MMEL1: variants seen among roughly 807,000 people sequenced by gnomAD.
The protein encoded by MMEL1 is membrane metalloendopeptidase like 1.
In MMEL1, 98 loss-of-function variants were observed where a neutral mutation model predicts 117.1. The ratio of observed to expected loss-of-function variants is 0.84; its 90% confidence interval spans 0.71 to 0.99. The LOEUF (loss-of-function observed/expected upper bound fraction) is 0.99. Ranked by LOEUF, MMEL1 falls within the 50% of genes least tolerant of loss-of-function variation. The probability of loss-of-function intolerance (pLI) is 0.00; values close to 1 mark genes in which losing one functional copy is unlikely to be tolerated. For missense variants in MMEL1, 1,014 were observed against 1,049.1 expected, an observed-to-expected ratio of 0.97 and a Z score of 0.46; for synonymous variants, 390 against 415.1, an observed-to-expected ratio of 0.94 and a Z score of 0.74.
chr1:2,595,157 G>T lies in MMEL1; in HGVS notation c.1584+119C>A. ...GAGCCACCACCCTAGGGCACGGTGA[G>T]GACAGCTGTGTTAGCGCCTGGGAGG... On this transcript the variant is annotated intron_variant, in intron 16 of 23. Coordinates refer to ENST00000378412, the MANE Select transcript of MMEL1 (RefSeq NM_033467.4). This position sits in a 1 kb window ranked among gnomAD's most constrained non-coding sequence, Gnocchi z 4.8. 1 of 911,128 alleles carries T rather than the reference G, an allele frequency of 1.1e-6. No homozygotes were observed. The highest frequency in any genetic ancestry group is 1.7e-6 in the Non-Finnish European group (1 of 582,888). 56.4% of individuals were successfully genotyped at this position (911,128 alleles called of 1,614,324 possible).
rs756146545 is a variant in MMEL1, at chr1:2,593,803, C to T, written c.1867+11G>A. ...GGGAGGGCGTGTGTGATTGGAGGGGCGGCCGCTCACCATTGTCGTCAAAGC... is the reference window on the plus strand; with the variant it reads ...GGGAGGGCGTGTGTGATTGGAGGGGTGGCCGCTCACCATTGTCGTCAAAGC... On this transcript the variant is annotated intron_variant, in intron 19 of 23. Coordinates refer to ENST00000378412, the MANE Select transcript of MMEL1 (RefSeq NM_033467.4). 38 of 1,591,156 alleles carry T rather than the reference C, an allele frequency of 2.4e-5. No homozygotes were observed. Among genetic ancestry groups the T allele is most frequent in the South Asian group, 5.7e-5 (5 of 88,444 alleles).
In MMEL1 at chr1:2,596,034, T is replaced by G; in HGVS notation, c.1475A>C (p.Glu492Ala). The change falls in exon 15 of 24, where the codon GAG becomes GCG. Residue 492 changes from glutamate (E) to alanine (A), a missense_variant. Coordinates refer to ENST00000378412, the MANE Select transcript of MMEL1 (RefSeq NM_033467.4). ...CTTCTCCTGCGCCTTCTTCTTGGAC[T>G]CCTCGTCCATCCAGCCCAGCTCGTC... ...TLDELGWMDE[E>A]SKKKAQEKAM... 6.2e-7 allele frequency: 1 copy of G among 1,613,902 alleles called. No homozygotes were observed. The highest frequency in any genetic ancestry group is 8.5e-7 in the Non-Finnish European group (1 of 1,179,886).
intron 1 of MMEL1, among the ~76,000 whole-genome samples, chr1:2,630,787 TGA>T (rs1376403193): frequency 4.0e-5 from 6 of 148,912 alleles, no homozygotes; most frequent in Non-Finnish European, 7.4e-5. Context: ...CGTGTGTGCC[TGA>T]GTGTGCACGT....
intron 7 of MMEL1, 67 bp downstream of exon 7, chr1:2,606,907 A>G: frequency 6.9e-7 from 1 of 1,447,736 alleles, no homozygotes; most frequent in Non-Finnish European, 9.6e-7. Context: ...AAGGCCTCAG[A>G]CCGAAGGAGC....
rs556413079 is a variant in MMEL1 at position 2,596,117 on chromosome 1, G to C, written c.1402-10C>G. On this transcript the variant is annotated splice_polypyrimidine_tract_variant and intron_variant, in intron 14 of 23. Coordinates refer to ENST00000378412, the MANE Select transcript of MMEL1 (RefSeq NM_033467.4). Reference sequence around the variant, plus strand: ...CAATGAGTTCTCTGACCTGGGAATCGGGCATGGCCCTCGTGTCCCAGACTC... The same window carrying C: ...CAATGAGTTCTCTGACCTGGGAATCCGGCATGGCCCTCGTGTCCCAGACTC... The C allele has an allele frequency of 1.9e-6, 3 of 1,611,584 alleles. No individual in the cohort carries two copies. Among genetic ancestry groups the C allele is most frequent in the Non-Finnish European group, 2.5e-6 (3 of 1,177,780 alleles).
chr1:2,604,347 G>C, intron 9 of MMEL1, 66 bp from the exon 10 acceptor site: 1 of 1,588,162 alleles, frequency 6.3e-7, no homozygotes. Flanking sequence ...GGAGTTTTCT[G>C]TGGGGGTGGG....
Position 2,629,521 on chromosome 1 carries a change from C to G in MMEL1, c.-37G>C. On this transcript the variant is annotated splice_region_variant and 5_prime_UTR_variant, in exon 2 of 24. Transcript: ENST00000378412. ...TGGACGGGAGAGCACCGCGGAGGAA[C>G]CTGCAGGCCCAGGGCAGGGGAGAGG... The G allele has an allele frequency of 7.0e-7, 1 of 1,434,834 alleles. No homozygotes were observed. Among genetic ancestry groups the G allele is most frequent in the Non-Finnish European group, 9.2e-7 (1 of 1,091,982 alleles). 88.9% of individuals were successfully genotyped at this position (1,434,834 alleles called of 1,614,324 possible).
intron 1 of MMEL1, chr1:2,629,763 C>G (rs761415691): frequency 2.6e-6 from 1 of 379,366 alleles, no homozygotes; most frequent in Non-Finnish European, 4.7e-6. Flanking sequence ...AGCTTGGGGT[C>G]GCAAGCTGGA....
chr1:2,605,703 C>T (rs1645013258), intron 8 of MMEL1, 80 bp from the exon 9 acceptor site: 2 of 1,069,480 alleles, frequency 1.9e-6, no homozygotes, highest in Non-Finnish European at 2.8e-6. Flanking sequence ...CAGCCGCCTC[C>T]CCACAGGACT....
chr1:2,624,324 A>G (rs141656482), intron 2 of MMEL1, among the ~76,000 whole-genome samples: 140 of 152,196 alleles, frequency 9.2e-4, no homozygotes, highest in Non-Finnish European at 1.7e-3. Context: ...ACAGGAGCTC[A>G]TTGCTGGAGA....
chr1:2,632,141 C>T (rs1300065649), intron 1 of MMEL1, among the ~76,000 whole-genome samples: 1 of 151,600 alleles, frequency 6.6e-6, no homozygotes, highest in Non-Finnish European at 1.5e-5. Flanking sequence ...GCCAAGCTCC[C>T]CTTCCCAGTG....
chr1:2,594,748 C>T (rs746659526), intron 17 of MMEL1, 42 bp downstream of exon 17: 9 of 1,544,292 alleles, frequency 5.8e-6, no homozygotes, highest in Middle Eastern at 1.7e-4. Context: ...CTGGCCACTC[C>T]CTGGCCCCCC....
At chr1:2,606,847 G>T in intron 7 of MMEL1, 127 bp downstream of exon 7, 1 of 852,336 alleles carries the variant, frequency 1.2e-6, no homozygotes, top group Non-Finnish European at 1.9e-6. Flanking sequence ...TGGGCCTCTT[G>T]GGGCTCCTGA....
Position 2,624,813 on chromosome 1 carries a change from C to G in MMEL1, c.154+4518G>C, listed in dbSNP as rs962851173. Among the ~76,000 whole-genome samples the G allele has an allele frequency of 2.6e-5, 4 of 152,204 alleles. No individual in the cohort carries two copies. The South Asian group carries it at 8.3e-4, about 32-fold the overall frequency. On this transcript the variant is annotated intron_variant, in intron 2 of 23. Coordinates refer to ENST00000378412, the MANE Select transcript of MMEL1 (RefSeq NM_033467.4). ...GGTAATTTATGAAGAGAAGAGGTTT[C>G]ATTGACTCCCAGTTCCTCAGGCTGT...
chr1:2,593,361 G>A (rs889299046), intron 19 of MMEL1, among the ~76,000 whole-genome samples: 3 of 152,330 alleles, frequency 2.0e-5, no homozygotes, highest in East Asian at 3.9e-4. Flanking sequence ...GAGCCACAGG[G>A]GAAAACCAGC....
chr1:2,611,777 C>T (rs1645133475), intron 3 of MMEL1, among the ~76,000 whole-genome samples: 1 of 152,236 alleles, frequency 6.6e-6, no homozygotes, highest in Non-Finnish European at 1.5e-5. Flanking sequence ...CTGCCTTCTG[C>T]CCAGCCCACT....
intron 1 of MMEL1, among the ~76,000 whole-genome samples, chr1:2,630,795 C>T (rs1232281789): frequency 7.5e-6 from 1 of 133,582 alleles, no homozygotes; most frequent in Non-Finnish European, 1.6e-5. Flanking sequence ...CCTGAGTGTG[C>T]ACGTGTGTCC....
chr1:2,599,036 G>C (rs774332212), intron 11 of MMEL1, among the ~76,000 whole-genome samples: 1 of 152,106 alleles, frequency 6.6e-6, no homozygotes, highest in Non-Finnish European at 1.5e-5. Context: ...ACACAACTTA[G>C]CAAAAATGAC....
rs1645026963 is a variant in MMEL1 at position 2,606,301 on chromosome 1, T to C, written c.697A>G (p.Ile233Val). Reference protein sequence around the residue: ...MNSQFNRRVLIDLFIWNDDQN... With the variant: ...MNSQFNRRVLVDLFIWNDDQN... ...TCGTCGTTCCAGATGAAGAGGTCGA[T>C]GAGGACGCGCCTGTTGAACTGTGAG... Residue 233 changes from isoleucine (I) to valine (V), a missense_variant, in exon 8 of 24, where the codon ATC becomes GTC. Transcript: ENST00000378412. 3 of 1,613,098 alleles carry C rather than the reference T, an allele frequency of 1.9e-6. No individual in the cohort carries two copies. Among genetic ancestry groups the C allele is most frequent in the Middle Eastern group, 1.6e-4 (1 of 6,062 alleles).
Sources: gnomAD v4.1 joint callset for allele counts (sites outside exome capture counted in the v4.1 genomes callset) on GRCh38, gnomAD v4.1.1 for gene constraint, Gnocchi (gnomAD v3.1) non-coding constraint, MANE v1.5 for transcripts, NCBI Gene and HGNC (gene_info 2026-07-23, HGNC 2026-07-21) for gene names.